RERE: variants seen among roughly 807,000 people sequenced by gnomAD.
RERE encodes the protein arginine-glutamic acid dipeptide repeats protein.
In RERE, 40 loss-of-function variants were observed where a neutral mutation model predicts 146.1. That is an observed-to-expected ratio of 0.27 (90% CI 0.21 to 0.36). The LOEUF (loss-of-function observed/expected upper bound fraction) is 0.36. Ranked by LOEUF, RERE falls within the 10% of genes least tolerant of loss-of-function variation. RERE has a pLI of 1.00. For synonymous variants in RERE, 1,003 were observed against 866.0 expected, an observed-to-expected ratio of 1.16 and a Z score of -2.78; for missense variants, 1,933 against 2,138.7, an observed-to-expected ratio of 0.90 and a Z score of 1.90.
chr1:8,706,551 C>T (rs112755148), intron 1 of RERE, among the ~76,000 whole-genome samples: 217 of 152,328 alleles, frequency 1.4e-3, no homozygotes, highest in African/African-American at 5.1e-3. Flanking sequence ...CTTGTATACA[C>T]ACAGAGCAAT....
chr1:8,648,077 G>T (rs1224985148), intron 2 of RERE, among the ~76,000 whole-genome samples: 3 of 152,134 alleles, frequency 2.0e-5, no homozygotes, highest in African/African-American at 7.2e-5. Flanking sequence ...GAACCTGGGG[G>T]TCCCCTTAAT....
intron 1 of RERE, among the ~76,000 whole-genome samples, chr1:8,809,993 TTTG>T (rs757435268): frequency 0.014 from 2,103 of 151,522 alleles, 52 homozygotes; most frequent in African/African-American, 0.048. Context: ...TGTTTTTGTT[TTTG>T]TTGTTGTTGT....
chr1:8,751,832 A>G (rs538110422), intron 1 of RERE, among the ~76,000 whole-genome samples: 1 of 152,180 alleles, frequency 6.6e-6, no homozygotes, highest in South Asian at 2.1e-4. Flanking sequence ...GCAAGGCACC[A>G]AAGAAACAAC....
At position 8,423,616 on chromosome 1, in the gene RERE, C is replaced by T. The variant is rs376808575; in HGVS notation, c.1204-809G>A. The T allele has an allele frequency of 3.0e-6, 3 of 985,196 alleles. No individual in the cohort carries two copies. Among genetic ancestry groups the T allele is most frequent in the East Asian group, 1.1e-4 (1 of 8,762 alleles). The allele number at this position is 985,196 out of a possible 1,614,324, so 61.0% of individuals were successfully genotyped here. A position where few individuals can be genotyped will look rare whatever the true frequency, so the allele number is the denominator to read the frequency against. ...CGACCCCAGCAGCCACAGGTAAGCGCCCGGGGTCCGGGGCGGCAAGAGGCC... is the reference window on the plus strand; with the variant it reads ...CGACCCCAGCAGCCACAGGTAAGCGTCCGGGGTCCGGGGCGGCAAGAGGCC... On this transcript the variant is annotated intron_variant, in intron 11 of 22. Transcript: ENST00000400908. This position sits in a 1 kb window ranked among gnomAD's most constrained non-coding sequence, Gnocchi z 5.4.
intron 4 of RERE, among the ~76,000 whole-genome samples, chr1:8,585,104 G>C (rs912381209): frequency 6.8e-6 from 1 of 146,900 alleles, no homozygotes; most frequent in Non-Finnish European, 1.5e-5. Context: ...CCAAGATCAT[G>C]CCACTGCACT....
chr1:8,465,362 A>G, intron 11 of RERE: 1 of 211,770 alleles, frequency 4.7e-6, no homozygotes, highest in Non-Finnish European at 9.8e-6. Context: ...ATGTCCTTTA[A>G]GGAGGTCAGG....
intron 1 of RERE, among the ~76,000 whole-genome samples, chr1:8,681,909 T>C (rs762297699): frequency 3.3e-5 from 5 of 152,194 alleles, no homozygotes; most frequent in Non-Finnish European, 5.9e-5. Flanking sequence ...TGGGCAAATA[T>C]AGTAAGTCAA....
At chr1:8,583,496 T>C (rs943098531) in intron 4 of RERE, among the ~76,000 whole-genome samples, 2 of 152,184 alleles carry the variant, frequency 1.3e-5, no homozygotes, top group African/African-American at 4.8e-5. Flanking sequence ...TGAAGCCTGG[T>C]GGGGTTGCCC....
chr1:8,706,187 T>C (rs994128576), intron 1 of RERE, among the ~76,000 whole-genome samples: 1 of 150,762 alleles, frequency 6.6e-6, no homozygotes, highest in Middle Eastern at 3.5e-3. Flanking sequence ...AGAGTGGTGG[T>C]TCACGCCTGT....
intron 10 of RERE, among the ~76,000 whole-genome samples, chr1:8,474,251 G>C (rs903880028): frequency 5.9e-5 from 9 of 152,090 alleles, no homozygotes; most frequent in African/African-American, 2.2e-4. Context: ...AAGCTACCAT[G>C]GATAAAAATC....
intron 7 of RERE, among the ~76,000 whole-genome samples, chr1:8,518,010 A>T (rs900286352): frequency 3.3e-5 from 5 of 152,208 alleles, no homozygotes; most frequent in Admixed American, 2.6e-4. Context: ...TCCCAGCCCA[A>T]CCCAGAGGCT....
intron 4 of RERE, among the ~76,000 whole-genome samples, chr1:8,587,979 C>G (rs1646446840): frequency 6.6e-6 from 1 of 152,164 alleles, no homozygotes; most frequent in Non-Finnish European, 1.5e-5. Flanking sequence ...TTGAAACACT[C>G]TGCGTGCAGA....
intron 2 of RERE, among the ~76,000 whole-genome samples, chr1:8,635,253 A>T (rs1054088635): frequency 1.3e-5 from 2 of 152,212 alleles, no homozygotes; most frequent in Non-Finnish European, 2.9e-5. Flanking sequence ...TCTCCTTATG[A>T]TACAGTGATT....
intron 1 of RERE, among the ~76,000 whole-genome samples, chr1:8,758,877 A>T (rs921860285): frequency 6.6e-6 from 1 of 152,190 alleles, no homozygotes; most frequent in Non-Finnish European, 1.5e-5. Flanking sequence ...ATGTGAAGTA[A>T]TACATATACT....
At chr1:8,633,332 AG>A (rs577089609) in intron 2 of RERE, among the ~76,000 whole-genome samples, 3 of 151,678 alleles carry the variant, frequency 2.0e-5, no homozygotes, top group Non-Finnish European at 4.4e-5. Flanking sequence ...TTGAGGTGGG[AG>A]GATCACTTAA....
chr1:8,375,923 T>C (rs1399948554), intron 12 of RERE, among the ~76,000 whole-genome samples: 2 of 152,256 alleles, frequency 1.3e-5, no homozygotes, highest in Non-Finnish European at 1.5e-5. Context: ...TTAATATATA[T>C]TTATCTTTTA....
rs533978849 is a variant in RERE at position 8,359,814 on chromosome 1, T to G, written c.3568A>C (p.Lys1190Gln). 72 of 1,592,868 alleles carry G rather than the reference T, an allele frequency of 4.5e-5. No individual in the cohort carries two copies. The highest frequency in any genetic ancestry group is 1.7e-4 in the Middle Eastern group (1 of 6,022). The change falls in exon 19 of 23, where the codon AAG becomes CAG. Residue 1190 changes from lysine to glutamine, a missense_variant. Transcript: ENST00000400908. The part of the protein sequence containing the change: ...EEREREKEKE[K>Q]ERERERERER... Reference sequence around the variant, plus strand: ...CGCTCTCGCTCCCGCTCCCGCTCCTTCTCCTTCTCCTTCTCCCGCTCTCGC... The same window carrying G: ...CGCTCTCGCTCCCGCTCCCGCTCCTGCTCCTTCTCCTTCTCCCGCTCTCGC...
At chr1:8,739,440 G>A (rs1270630381) in intron 1 of RERE, among the ~76,000 whole-genome samples, 1 of 152,138 alleles carries the variant, frequency 6.6e-6, no homozygotes, top group African/African-American at 2.4e-5. Context: ...AGAGCTGCTG[G>A]TCACTAAGAG....
At position 8,774,951 on chromosome 1, in the gene RERE, C is replaced by CTTT. The variant is rs869173167; in HGVS notation, c.-145+42206_-145+42208dup. Among the ~76,000 whole-genome samples the CTTT allele has an allele frequency of 8.1e-3, 387 of 47,854 alleles. 9 individuals carry two copies. The highest frequency in any genetic ancestry group is 0.019 in the African/African-American group (268 of 13,912). 31.4% of individuals were successfully genotyped at this position (47,854 alleles called of 152,430 possible). ...TCATAGTAGCATTTCTTCTTTCTTT[C>CTTT]TTTTTTTTTTTTTTTTTTTTTTTTT... On this transcript the variant is annotated intron_variant, in intron 1 of 22. Transcript: ENST00000400908.
Sources: allele counts gnomAD v4.1 joint callset (sites outside exome capture counted in the v4.1 genomes callset), GRCh38; gene constraint gnomAD v4.1.1; non-coding constraint Gnocchi (gnomAD v3.1); transcripts MANE v1.5; gene names NCBI Gene and HGNC (gene_info 2026-07-23, HGNC 2026-07-21).